NELL1: variants seen among roughly 807,000 people sequenced by gnomAD.
NELL1 encodes neural EGFL like 1, also known as protein kinase C-binding protein NELL1.
Under a neutral mutation model 107.4 loss-of-function variants are expected in NELL1, and 76 were observed. That is an observed-to-expected ratio of 0.71 (90% CI 0.59 to 0.86). NELL1 has a LOEUF of 0.86. Ranked by LOEUF, NELL1 falls within the 40% of genes least tolerant of loss-of-function variation. The probability of loss-of-function intolerance (pLI) is 0.00; values close to 1 mark genes in which losing one functional copy is unlikely to be tolerated. For synonymous variants in NELL1, 353 were observed against 341.2 expected (o/e 1.03, Z -0.38); for missense variants, 1,024 against 1,005.5 (o/e 1.02, Z -0.25).
At chr11:21,271,796 C>T (rs1239171420) in intron 14 of NELL1, among the ~76,000 whole-genome samples, 1 of 152,068 alleles carries the variant, frequency 6.6e-6, no homozygotes, top group African/African-American at 2.4e-5. Flanking sequence ...GTATATTATC[C>T]CAGGTAAGGC....
chr11:21,295,221 A>G (rs559749642), intron 14 of NELL1, among the ~76,000 whole-genome samples: 1 of 152,122 alleles, frequency 6.6e-6, no homozygotes, highest in East Asian at 1.9e-4. Flanking sequence ...ACAGATAGTA[A>G]GTAGGGAACC....
chr11:20,726,742 C>T (rs2133916424), intron 2 of NELL1, among the ~76,000 whole-genome samples: 1 of 151,924 alleles, frequency 6.6e-6, no homozygotes. Context: ...GCTGTCCCTC[C>T]CCCATCCCCC....
intron 13 of NELL1, among the ~76,000 whole-genome samples, chr11:21,188,389 A>G (rs985483635): frequency 6.6e-6 from 1 of 151,752 alleles, no homozygotes; most frequent in Non-Finnish European, 1.5e-5. Flanking sequence ...CAACTCTGCA[A>G]ATGTGTTTGG....
chr11:20,799,752 C>T (rs1267485012), intron 3 of NELL1, among the ~76,000 whole-genome samples: 2 of 152,158 alleles, frequency 1.3e-5, no homozygotes, highest in Non-Finnish European at 2.9e-5. Context: ...CTGCATGATG[C>T]TGAGGGATAT....
chr11:21,195,501 G>A (rs1179215627), intron 13 of NELL1, among the ~76,000 whole-genome samples: 2 of 148,542 alleles, frequency 1.3e-5, no homozygotes, highest in African/African-American at 5.0e-5. Flanking sequence ...CACCTGCTCT[G>A]CAGAGTCCAA....
chr11:21,224,210 A>G (rs1857833748), intron 13 of NELL1, among the ~76,000 whole-genome samples: 1 of 151,904 alleles, frequency 6.6e-6, no homozygotes, highest in South Asian at 2.1e-4. Flanking sequence ...ATCTCTCCTA[A>G]GTATTGGGAA....
intron 12 of NELL1, among the ~76,000 whole-genome samples, chr11:21,073,936 A>C (rs1356395966): frequency 3.3e-5 from 5 of 152,196 alleles, no homozygotes; most frequent in South Asian, 4.1e-4. Flanking sequence ...ACAACAACAA[A>C]AAAGATTTAA....
intron 13 of NELL1, among the ~76,000 whole-genome samples, chr11:21,136,725 T>C (rs1024371248): frequency 1.3e-5 from 2 of 152,210 alleles, no homozygotes; most frequent in African/African-American, 2.4e-5. Context: ...TTAAAAAGAC[T>C]GTCATTGTTA....
At chr11:21,547,696 G>A (rs867461052) in intron 16 of NELL1, among the ~76,000 whole-genome samples, 6 of 151,744 alleles carry the variant, frequency 4.0e-5, no homozygotes, top group Non-Finnish European at 4.4e-5. Context: ...ACTTTCTTCT[G>A]AAAAAGTGAG....
intron 2 of NELL1, among the ~76,000 whole-genome samples, chr11:20,741,433 A>T (rs1441683076): frequency 6.6e-6 from 1 of 152,094 alleles, no homozygotes; most frequent in Non-Finnish European, 1.5e-5. Context: ...AGATGATGAC[A>T]TTTTTCCATT....
chr11:21,328,176 G>A (rs1208690758), intron 14 of NELL1, among the ~76,000 whole-genome samples: 1 of 152,118 alleles, frequency 6.6e-6, no homozygotes, highest in Non-Finnish European at 1.5e-5. Flanking sequence ...AGGCTTAGGA[G>A]GAAAAAATTG....
intron 4 of NELL1, among the ~76,000 whole-genome samples, chr11:20,878,922 C>T (rs186478490): frequency 2.0e-5 from 3 of 152,228 alleles, no homozygotes; most frequent in African/African-American, 4.8e-5. Context: ...TTACAGTGTG[C>T]TGGGTAAAAC....
At chr11:20,713,371 T>C (rs1158952886) in intron 2 of NELL1, among the ~76,000 whole-genome samples, 2 of 151,858 alleles carry the variant, frequency 1.3e-5, no homozygotes, top group African/African-American at 4.8e-5. Flanking sequence ...GGGGCGGTGG[T>C]TCTCAGGCCA....
chr11:20,959,507 G>A (rs572060560), intron 11 of NELL1, among the ~76,000 whole-genome samples: 2 of 152,260 alleles, frequency 1.3e-5, no homozygotes, highest in South Asian at 2.1e-4. Flanking sequence ...ATGAATTAGT[G>A]GCATTCACAG....
chr11:21,255,419 T>A (rs1406071603), intron 14 of NELL1, among the ~76,000 whole-genome samples: 1 of 152,092 alleles, frequency 6.6e-6, no homozygotes, highest in Non-Finnish European at 1.5e-5. Context: ...ACTACAGAGC[T>A]AACCACTAAA....
At chr11:21,541,842 C>T (rs925773797) in intron 16 of NELL1, among the ~76,000 whole-genome samples, 1 of 152,062 alleles carries the variant, frequency 6.6e-6, no homozygotes, top group South Asian at 2.1e-4. Flanking sequence ...TGATAGTCAA[C>T]ATTTAACCTC....
rs1443462748 is a variant in NELL1, at chr11:21,232,164, A to G, written c.1549+2710A>G. ...AAAAAAAATAAAAAAAAAAAAATAT[A>G]TATATATATATATAAATTAGCTGGG... On this transcript the variant is annotated intron_variant, in intron 14 of 19. Transcript: ENST00000357134. Among the ~76,000 whole-genome samples the G allele has an allele frequency of 4.6e-3, 260 of 56,656 alleles. 4 individuals carry two copies. Among genetic ancestry groups the G allele is most frequent in the Middle Eastern group, 0.024 (3 of 124 alleles). The allele number at this position is 56,656 out of a possible 152,430, so 37.2% of individuals were successfully genotyped here. A position where few individuals can be genotyped will look rare whatever the true frequency, so the allele number is the denominator to read the frequency against.
intron 13 of NELL1, among the ~76,000 whole-genome samples, chr11:21,173,237 G>C (rs1856644076): frequency 6.6e-6 from 1 of 151,722 alleles, no homozygotes; most frequent in African/African-American, 2.4e-5. Context: ...GTGACGGTAG[G>C]AGGCAAAGGG....
chr11:20,783,827 A>G lies in NELL1; in HGVS notation c.332A>G (p.His111Arg). 6.2e-7 allele frequency: 1 copy of G among 1,609,652 alleles called. No individual in the cohort carries two copies. Among genetic ancestry groups the G allele is most frequent in the Non-Finnish European group, 8.5e-7 (1 of 1,178,264 alleles). The change falls in exon 3 of 20, where the codon CAC becomes CGC. Residue 111 changes from histidine (H) to arginine (R), a missense_variant. Coordinates refer to ENST00000357134, the MANE Select transcript of NELL1 (RefSeq NM_006157.5). ...ATACTGTCCATTCGAGAACTGGAGC[A>G]CAGGTAAGAAAGCTCTTTCTGCTTT... ...GVILSIRELE[H>R]SYFELESSGL...
Sources: allele counts gnomAD v4.1 joint callset (sites outside exome capture counted in the v4.1 genomes callset), GRCh38; gene constraint gnomAD v4.1.1; transcripts MANE v1.5; gene names NCBI Gene and HGNC (gene_info 2026-07-23, HGNC 2026-07-21).